The following FAM222B variants were observed in gnomAD, a reference collection of about 807,000 sequenced individuals.
FAM222B encodes family with sequence similarity 222 member B.
In FAM222B, 12 loss-of-function variants were observed where a neutral mutation model predicts 38.0. That is an observed-to-expected ratio of 0.32 (90% CI 0.20 to 0.51). FAM222B has a LOEUF of 0.51. Among genes scored for constraint, FAM222B ranks in the 20% least tolerant of loss-of-function variants. The probability of loss-of-function intolerance (pLI) is 0.97; values close to 1 mark genes in which losing one functional copy is unlikely to be tolerated. For synonymous variants in FAM222B, 329 were observed against 317.2 expected (o/e 1.04, Z -0.40); for missense variants, 716 against 754.2 (o/e 0.95, Z 0.59).
intron 1 of FAM222B, among the ~76,000 whole-genome samples, chr17:28,778,007 CTTTTTTTTTTT>C (rs34833861): frequency 9.4e-6 from 1 of 106,634 alleles, no homozygotes; most frequent in Non-Finnish European, 2.0e-5. Context: ...CCAGGCTGGA[CTTTTTTTTTTT>C]TTTTTTTTTT....
At chr17:28,797,298 C>G (rs1041610754) in intron 1 of FAM222B, among the ~76,000 whole-genome samples, 1 of 151,996 alleles carries the variant, frequency 6.6e-6, no homozygotes, top group Non-Finnish European at 1.5e-5. Context: ...GGCTGGCTGG[C>G]TATTGCGATT....
chr17:28,799,717 C>T (rs1258770197), intron 1 of FAM222B, among the ~76,000 whole-genome samples: 1 of 152,154 alleles, frequency 6.6e-6, no homozygotes, highest in Admixed American at 6.6e-5. Flanking sequence ...AAGTGATCCT[C>T]CTGCCTCAAT....
At chr17:28,781,810 G>GT (rs552561358) in intron 1 of FAM222B, among the ~76,000 whole-genome samples, 2 of 152,068 alleles carry the variant, frequency 1.3e-5, no homozygotes, top group Non-Finnish European at 1.5e-5. Context: ...AATTTCACTA[G>GT]TATGTGGAAT....
chr17:28,852,975 CCT>C (rs1438983323), intron 1 of FAM222B, among the ~76,000 whole-genome samples: 9 of 152,024 alleles, frequency 5.9e-5, no homozygotes, highest in Non-Finnish European at 1.3e-4. Flanking sequence ...GGGCGGATCA[CCT>C]GAGGTCGGGA....
chr17:28,757,064 T>C lies in FAM222B; in HGVS notation c.*1206A>G, dbSNP rs2034733896. 6.6e-6 allele frequency: 1 copy of C among 152,660 alleles called. No homozygotes were observed. Among genetic ancestry groups the C allele is most frequent in the South Asian group, 2.1e-4 (1 of 4,834 alleles). The allele number at this position is 152,660 out of a possible 1,614,324, so 9.5% of individuals were successfully genotyped here. A position where few individuals can be genotyped will look rare whatever the true frequency, so the allele number is the denominator to read the frequency against. ...AATTGTCGCTTGGGATGAGACGTGC[T>C]GAGCATGGAGTGGATGAAGGTATGC... On this transcript the variant is annotated 3_prime_UTR_variant, in exon 3 of 3. Transcript: ENST00000581407.
rs2034748934 is a variant in FAM222B at position 28,757,313 on chromosome 17, CG to C, written c.*956del. The stretch of plus-strand genomic sequence containing the variant: ...AACCCACACTACATTCATACAGAAA[CG>C]TAACGTTTAAAACTTACAGTGTAGA... On this transcript the variant is annotated 3_prime_UTR_variant, in exon 3 of 3. Coordinates refer to ENST00000581407, the MANE Select transcript of FAM222B (RefSeq NM_001077498.3). 6.6e-6 allele frequency: 1 copy of C among 152,410 alleles called. No homozygotes were observed. Among genetic ancestry groups the C allele is most frequent in the South Asian group, 2.1e-4 (1 of 4,824 alleles). The allele number at this position is 152,410 out of a possible 1,614,324, so 9.4% of individuals were successfully genotyped here. A position where few individuals can be genotyped will look rare whatever the true frequency, so the allele number is the denominator to read the frequency against.
At chr17:28,838,007 T>C (rs1598054670) in intron 1 of FAM222B, among the ~76,000 whole-genome samples, 1 of 152,168 alleles carries the variant, frequency 6.6e-6, no homozygotes. Context: ...GGCTGACGCC[T>C]GTAATCCCAG....
chr17:28,769,174 C>CTTTTTTTTTT (rs35918064), intron 1 of FAM222B, among the ~76,000 whole-genome samples: 3 of 82,570 alleles, frequency 3.6e-5, no homozygotes, highest in Non-Finnish European at 6.6e-5. Flanking sequence ...AATGTTAGTT[C>CTTTTTTTTTT]TTTTTTTTTT....
intron 1 of FAM222B, among the ~76,000 whole-genome samples, chr17:28,837,080 C>T (rs1196963454): frequency 1.3e-5 from 2 of 152,182 alleles, no homozygotes. Flanking sequence ...CGCACCCCTG[C>T]ACTCCAGCCT....
intron 1 of FAM222B, among the ~76,000 whole-genome samples, chr17:28,782,670 T>TA (rs2036214869): frequency 6.6e-6 from 1 of 152,212 alleles, no homozygotes; most frequent in Non-Finnish European, 1.5e-5. Context: ...AAGTCACTTG[T>TA]ATTTGATCAT....
Position 28,759,711 on chromosome 17 carries a change from G to A in FAM222B, c.248C>T (p.Thr83Ile), listed in dbSNP as rs1453169603. The A allele has an allele frequency of 6.2e-7, 1 of 1,613,840 alleles. No homozygotes were observed. Among genetic ancestry groups the A allele is most frequent in the Admixed American group, 1.7e-5 (1 of 59,974 alleles). The stretch of plus-strand genomic sequence containing the variant: ...GTAGGGGCTGTAGCGCTGGGCTGAT[G>A]TGTCGAGGCCGTTCACAGTACGACG... ...HVRRTVNGLDTSAQRYSPYPT... is the reference protein window; with the variant it reads ...HVRRTVNGLDISAQRYSPYPT... The change falls in exon 3 of 3, where the codon ACA becomes ATA. Residue 83 changes from threonine (T) to isoleucine (I), a missense_variant. Coordinates refer to ENST00000581407, the MANE Select transcript of FAM222B (RefSeq NM_001077498.3). The surrounding 1 kb of genome is among the most constrained non-coding windows in gnomAD (Gnocchi z 4.8).
At chr17:28,829,132 C>T (rs2038555752) in intron 1 of FAM222B, among the ~76,000 whole-genome samples, 2 of 152,192 alleles carry the variant, frequency 1.3e-5, no homozygotes, top group South Asian at 4.1e-4. Flanking sequence ...TCTCGAACTC[C>T]TGACCTCGAG....
chr17:28,828,391 C>T (rs2038520329), intron 1 of FAM222B, among the ~76,000 whole-genome samples: 1 of 151,016 alleles, frequency 6.6e-6, no homozygotes, highest in African/African-American at 2.4e-5. Context: ...GGCAAAACCC[C>T]ATCTCTAAAA....
chr17:28,854,956 C>T (rs1424740883), exon 1 of FAM222B: 9 of 1,484,492 alleles, frequency 6.1e-6, no homozygotes, highest in Non-Finnish European at 8.1e-6. Flanking sequence ...CTACCTCTCT[C>T]CTACTCGCTG....
At chr17:28,830,036 A>C (rs2038607032) in intron 1 of FAM222B, among the ~76,000 whole-genome samples, 1 of 151,732 alleles carries the variant, frequency 6.6e-6, no homozygotes, top group Non-Finnish European at 1.5e-5. Flanking sequence ...TTTTTAGTAG[A>C]GATGAGGTTT....
At chr17:28,799,021 A>G (rs2037083072) in intron 1 of FAM222B, among the ~76,000 whole-genome samples, 1 of 130,898 alleles carries the variant, frequency 7.6e-6, no homozygotes, top group Admixed American at 7.7e-5. Flanking sequence ...TGTTGACAGG[A>G]TGGAGTGCAG....
chr17:28,760,087 CCTT>C (rs1297884478), intron 2 of FAM222B, among the ~76,000 whole-genome samples: 2 of 152,214 alleles, frequency 1.3e-5, no homozygotes, highest in Admixed American at 1.3e-4. Context: ...GTGGGCCAGG[CCTT>C]CTGCCAGATG....
chr17:28,842,399 A>G (rs2039074590), intron 1 of FAM222B, among the ~76,000 whole-genome samples: 1 of 152,056 alleles, frequency 6.6e-6, no homozygotes, highest in South Asian at 2.1e-4. Flanking sequence ...CTCTGAAAGA[A>G]GCGGAAAGGA....
intron 1 of FAM222B, among the ~76,000 whole-genome samples, chr17:28,775,990 C>T (rs1184496796): frequency 6.7e-6 from 1 of 148,770 alleles, no homozygotes; most frequent in Non-Finnish European, 1.5e-5. Flanking sequence ...GCACGAGAGT[C>T]GTTTGAACCC....
Sources: allele counts gnomAD v4.1 joint callset (sites outside exome capture counted in the v4.1 genomes callset), GRCh38; gene constraint gnomAD v4.1.1; non-coding constraint Gnocchi (gnomAD v3.1); transcripts MANE v1.5; gene names NCBI Gene and HGNC (gene_info 2026-07-23, HGNC 2026-07-21).